The following PARP11 variants were observed in gnomAD, a reference collection of about 807,000 sequenced individuals.
PARP11 encodes the protein protein mono-ADP-ribosyltransferase PARP11.
In PARP11, 31 loss-of-function variants were observed where a neutral mutation model predicts 42.9. That is an observed-to-expected ratio of 0.72 (90% CI 0.54 to 0.98). The LOEUF is 0.98. Ranked by LOEUF, PARP11 falls within the 50% of genes least tolerant of loss-of-function variation. PARP11 has a pLI of 0.00. For missense variants in PARP11, 365 were observed against 413.1 expected (o/e 0.88, Z 1.01); for synonymous variants, 137 against 127.3 (o/e 1.08, Z -0.51).
In PARP11 at chr12:3,873,316, C is replaced by T. The variant is rs66847009; in HGVS notation, c.-87G>A. ...TTGGATTTTTTTTTTTCCCGCGGGT[C>T]CCCGGGAGCGAAGGGACGGAGATGC... On this transcript the variant is annotated 5_prime_UTR_variant, in exon 1 of 8. Coordinates refer to ENST00000228820, the MANE Select transcript of PARP11 (RefSeq NM_020367.6). 0.072 allele frequency: 93,280 copies of T among 1,291,350 alleles called. 4,292 individuals are homozygous for T. The highest frequency in any genetic ancestry group is 0.086 in the Non-Finnish European group (78,582 of 910,774). The allele number at this position is 1,291,350 out of a possible 1,614,324, so 80.0% of individuals were successfully genotyped here.
At chr12:3,855,895 A>G (rs906890365) in intron 1 of PARP11, among the ~76,000 whole-genome samples, 1 of 152,236 alleles carries the variant, frequency 6.6e-6, no homozygotes, top group Admixed American at 6.5e-5. Context: ...GGCTACAGTA[A>G]CCAAAACAGC....
intron 4 of PARP11, among the ~76,000 whole-genome samples, chr12:3,823,728 C>A (rs2138030628): frequency 6.6e-6 from 1 of 152,212 alleles, no homozygotes; most frequent in Admixed American, 6.5e-5. Context: ...CCAGCCTGGG[C>A]AACAGAGTGA....
intron 4 of PARP11, among the ~76,000 whole-genome samples, chr12:3,822,604 A>T (rs1947423258): frequency 6.6e-6 from 1 of 151,876 alleles, no homozygotes; most frequent in Non-Finnish European, 1.5e-5. Context: ...GTCTCAAAAA[A>T]AAAAAAAAAA....
intron 1 of PARP11, among the ~76,000 whole-genome samples, chr12:3,833,561 G>A (rs770763962): frequency 1.5e-4 from 23 of 152,124 alleles, no homozygotes; most frequent in African/African-American, 2.9e-4. Context: ...CTAACATCAC[G>A]CCACTGCACT....
rs1947914950 is a variant in PARP11 at position 3,842,626 on chromosome 12, C to G, written c.19-12608G>C. ...CCCCAGTTGGAACTCTTTCCTCTCC[C>G]CAGCCTCCTTACCTTCCCTCCCATA... is the stretch of plus-strand genomic sequence containing the variant. On this transcript the variant is annotated intron_variant, in intron 1 of 7. Coordinates refer to ENST00000228820, the MANE Select transcript of PARP11 (RefSeq NM_020367.6). The G allele has an allele frequency of 8.1e-6, 6 of 740,378 alleles. No homozygotes were observed. The South Asian group carries it at 1.1e-4, about 13-fold the overall frequency. The allele number at this position is 740,378 out of a possible 1,614,324, so 45.9% of individuals were successfully genotyped here. A position where few individuals can be genotyped will look rare whatever the true frequency, so the allele number is the denominator to read the frequency against.
At chr12:3,865,407 G>T (rs1169183878) in intron 1 of PARP11, among the ~76,000 whole-genome samples, 1 of 152,120 alleles carries the variant, frequency 6.6e-6, no homozygotes, top group African/African-American at 2.4e-5. Context: ...TTGTTATACT[G>T]TTGCTCATTT....
At chr12:3,815,548 TAGTTAACA>T (rs978058984) in intron 6 of PARP11, among the ~76,000 whole-genome samples, 1 of 152,234 alleles carries the variant, frequency 6.6e-6, no homozygotes, top group African/African-American at 2.4e-5. Flanking sequence ...CAACAGTCTT[TAGTTAACA>T]AGAATCTGCT....
rs187515655 is a variant in PARP11 at position 3,842,574 on chromosome 12, C to T, written c.19-12556G>A. ...CTCTTAGGTGGAATGTTTCTGAAGG[C>T]TTTAAAAAACTACAATAAAGTAAAA... is the stretch of plus-strand genomic sequence containing the variant. On this transcript the variant is annotated intron_variant, in intron 1 of 7. Coordinates refer to ENST00000228820, the MANE Select transcript of PARP11 (RefSeq NM_020367.6). 2.1e-4 allele frequency: 253 copies of T among 1,194,044 alleles called. 3 individuals are homozygous for T. The African/African-American group carries it at 3.5e-3, about 16-fold the overall frequency. 74.0% of individuals were successfully genotyped at this position (1,194,044 alleles called of 1,614,324 possible). A position where few individuals can be genotyped will look rare whatever the true frequency, so the allele number is the denominator to read the frequency against.
At chr12:3,864,602 T>C (rs1441313040) in intron 1 of PARP11, among the ~76,000 whole-genome samples, 1 of 152,250 alleles carries the variant, frequency 6.6e-6, no homozygotes, top group Non-Finnish European at 1.5e-5. Context: ...TGTTGGACTA[T>C]TTGTGTTATC....
At chr12:3,867,593 A>G (rs943647369) in intron 1 of PARP11, among the ~76,000 whole-genome samples, 12 of 152,204 alleles carry the variant, frequency 7.9e-5, no homozygotes, top group Non-Finnish European at 1.5e-4. Flanking sequence ...ATAAAATACC[A>G]TATTTTTCAA....
At chr12:3,843,020 A>C (rs1424702814) in intron 1 of PARP11, among the ~76,000 whole-genome samples, 2 of 152,216 alleles carry the variant, frequency 1.3e-5, no homozygotes, top group Non-Finnish European at 2.9e-5. Flanking sequence ...TCTCAGCCTA[A>C]AACACTGTTG....
chr12:3,843,849 A>G (rs1474021802), intron 1 of PARP11, among the ~76,000 whole-genome samples: 1 of 152,172 alleles, frequency 6.6e-6, no homozygotes, highest in African/African-American at 2.4e-5. Context: ...TTATGTTGAG[A>G]TTATCTTCTG....
chr12:3,841,542 T>G (rs1350032095), intron 1 of PARP11: 47 of 1,601,370 alleles, frequency 2.9e-5, no homozygotes, highest in Non-Finnish European at 3.9e-5. Flanking sequence ...CGCCGACATT[T>G]TCTTCACCTC....
At chr12:3,844,580 ATG>A (rs1947961533) in intron 1 of PARP11, among the ~76,000 whole-genome samples, 2 of 152,194 alleles carry the variant, frequency 1.3e-5, no homozygotes, top group African/African-American at 4.8e-5. Flanking sequence ...GCTTCTGAAA[ATG>A]TTTAAAAATT....
rs181100046 is a variant in PARP11, at chr12:3,849,447, A to T, written c.19-19429T>A. 2.7e-4 allele frequency among the ~76,000 whole-genome samples: 41 copies of T among 152,356 alleles called. No individual in the cohort carries two copies. In the East Asian group the frequency reaches 7.7e-3, roughly 29 times the overall value. On this transcript the variant is annotated intron_variant, in intron 1 of 7. Transcript: ENST00000228820. ...TGAATGGATAAAGAAAATGTGGTTTATATACACAATGGATTATCGAGCTGT... is the reference window on the plus strand; with the variant it reads ...TGAATGGATAAAGAAAATGTGGTTTTTATACACAATGGATTATCGAGCTGT...
At chr12:3,855,389 G>A (rs1313184918) in intron 1 of PARP11, among the ~76,000 whole-genome samples, 7 of 152,264 alleles carry the variant, frequency 4.6e-5, no homozygotes, top group East Asian at 1.9e-4. Flanking sequence ...AAATCCCATC[G>A]TCTCAGCCCA....
chr12:3,829,540 T>C (rs942733983), intron 2 of PARP11, among the ~76,000 whole-genome samples: 1 of 152,208 alleles, frequency 6.6e-6, no homozygotes, highest in Non-Finnish European at 1.5e-5. Flanking sequence ...AGAAAATCAA[T>C]GTACAACACC....
At chr12:3,829,785 A>T in intron 2 of PARP11, 105 bp downstream of exon 2, 1 of 1,135,476 alleles carries the variant, frequency 8.8e-7, no homozygotes, top group Non-Finnish European at 1.2e-6. Flanking sequence ...TTATTTCCTT[A>T]AGCTTTGACT....
chr12:3,855,530 T>C (rs1948174821), intron 1 of PARP11, among the ~76,000 whole-genome samples: 2 of 152,140 alleles, frequency 1.3e-5, no homozygotes, highest in Non-Finnish European at 2.9e-5. Context: ...TCACAATTGC[T>C]ACAAAGAGAA....
Sources: allele counts gnomAD v4.1 joint callset (sites outside exome capture counted in the v4.1 genomes callset), GRCh38; gene constraint gnomAD v4.1.1; transcripts MANE v1.5; gene names NCBI Gene and HGNC (gene_info 2026-07-23, HGNC 2026-07-21).